Variants in AAK1 observed in about 807,000 individuals in gnomAD.
AAK1 encodes the protein AP2 associated kinase 1, also known as AP2-associated protein kinase 1.
A neutral mutation model predicts 116.0 loss-of-function variants in AAK1; 37 were observed. The observed-to-expected ratio is 0.32, with a 90% confidence interval of 0.25 to 0.42. The LOEUF (loss-of-function observed/expected upper bound fraction) is 0.42, where lower values mean the gene tolerates loss of function less well. AAK1 is among the 10% of genes least tolerant of loss of function. AAK1 has a pLI of 1.00. For missense variants in AAK1, 919 were observed against 1,170.6 expected, an observed-to-expected ratio of 0.79 and a Z score of 3.14; for synonymous variants, 458 against 439.9, an observed-to-expected ratio of 1.04 and a Z score of -0.51.
At position 69,509,444 on chromosome 2, in the gene AAK1, C is replaced by T. The variant is rs1198669577; in HGVS notation, c.1793G>A (p.Arg598Lys). Reference protein sequence around the residue: ...AQEPAIQAPVRQQPKVQTTPP... With the variant: ...AQEPAIQAPVKQQPKVQTTPP... ...GGTTGTCTGAACCTTTGGCTGTTGT[C>T]TTACTGGGGCTTGAATCTGCTAGGA... Residue 598 changes from arginine to lysine, a missense_variant, in exon 14 of 22, where the codon AGA (arginine) becomes AAA (lysine). By Grantham distance (26) the Arg-to-Lys change is conservative. This residue lies in a region of AAK1 where 125 missense variants were observed against 184.1 expected (regional missense o/e 0.68). Coordinates refer to ENST00000409085, the MANE Select transcript of AAK1 (RefSeq NM_014911.5). 1 of 1,613,522 alleles carries T rather than the reference C, an allele frequency of 6.2e-7. No homozygotes were observed. The highest frequency in any genetic ancestry group is 8.5e-7 in the Non-Finnish European group (1 of 1,179,712).
At chr2:69,602,191 G>A (rs1450541148) in intron 2 of AAK1, among the ~76,000 whole-genome samples, 1 of 152,196 alleles carries the variant, frequency 6.6e-6, no homozygotes, top group Non-Finnish European at 1.5e-5. Context: ...AGATTTAAAA[G>A]ACATGACAAC....
intron 16 of AAK1, among the ~76,000 whole-genome samples, chr2:69,496,534 G>A (rs1675752479): frequency 6.6e-6 from 1 of 152,120 alleles, no homozygotes. Context: ...AAAGTGCTGG[G>A]ATTACAGGCA....
At chr2:69,642,298 C>G (rs1675767047) in intron 2 of AAK1, among the ~76,000 whole-genome samples, 1 of 152,184 alleles carries the variant, frequency 6.6e-6, no homozygotes, top group Non-Finnish European at 1.5e-5. Flanking sequence ...TATGTAATTT[C>G]TGTTATCTTT....
chr2:69,553,883 C>T (rs1340876385), intron 3 of AAK1, among the ~76,000 whole-genome samples: 1 of 151,052 alleles, frequency 6.6e-6, no homozygotes, highest in Non-Finnish European at 1.5e-5. Flanking sequence ...TGAGACCAGC[C>T]TGGGCAACAT....
In AAK1 at chr2:69,519,297, T is replaced by C. The variant is rs557702173; in HGVS notation, c.1211-57A>G. 3.4e-6 allele frequency: 5 copies of C among 1,470,270 alleles called. No individual in the cohort carries two copies. The South Asian group carries it at 5.7e-5, about 17-fold the overall frequency. The allele number at this position is 1,470,270 out of a possible 1,614,324, so 91.1% of individuals were successfully genotyped here. A position where few individuals can be genotyped will look rare whatever the true frequency, so the allele number is the denominator to read the frequency against. ...CCAAATGCTTCCACACAAAAATGGC[T>C]TTCTGTCTTGCCAAAACAACTAATA... On this transcript the variant is annotated intron_variant, in intron 11 of 21. Transcript: ENST00000409085.
intron 12 of AAK1, among the ~76,000 whole-genome samples, chr2:69,515,041 A>G (rs1325113676): frequency 6.6e-6 from 1 of 152,214 alleles, no homozygotes; most frequent in East Asian, 1.9e-4. Context: ...CTATCTGACT[A>G]AACATCATGT....
At chr2:69,553,768 T>C (rs1197001852) in intron 3 of AAK1, among the ~76,000 whole-genome samples, 1 of 151,306 alleles carries the variant, frequency 6.6e-6, no homozygotes, top group African/African-American at 2.4e-5. Context: ...AAAAAATTTA[T>C]CTACCATGTA....
chr2:69,538,529 T>G (rs768450959), intron 5 of AAK1, among the ~76,000 whole-genome samples: 12 of 152,246 alleles, frequency 7.9e-5, no homozygotes, highest in Non-Finnish European at 1.6e-4. Flanking sequence ...CAGGTGTTAT[T>G]TACTGGTATG....
At chr2:69,626,991 C>T (rs1246988925) in intron 2 of AAK1, among the ~76,000 whole-genome samples, 1 of 151,936 alleles carries the variant, frequency 6.6e-6, no homozygotes, top group Admixed American at 6.6e-5. Flanking sequence ...ACAAGTCAGA[C>T]AAGATTCTCA....
At position 69,462,420 on chromosome 2, in the gene AAK1, C is replaced by A. The variant is rs1381466143; in HGVS notation, c.*13449G>T. 6.6e-6 allele frequency: 1 copy of A among 151,886 alleles called. No homozygotes were observed. Among genetic ancestry groups the A allele is most frequent in the Non-Finnish European group, 1.5e-5 (1 of 67,994 alleles). 9.4% of individuals were successfully genotyped at this position (151,886 alleles called of 1,614,324 possible). A position where few individuals can be genotyped will look rare whatever the true frequency, so the allele number is the denominator to read the frequency against. ...TCTGGGCCAGGTGCGGTGGCTCACG[C>A]CTGTAATCCTAGCACTTTGGGAAGC... On this transcript the variant is annotated 3_prime_UTR_variant, in exon 22 of 22. Coordinates refer to ENST00000409085, the MANE Select transcript of AAK1 (RefSeq NM_014911.5).
chr2:69,514,722 T>G lies in AAK1; in HGVS notation c.1525A>C (p.Lys509Gln), dbSNP rs6715776. ...QFQAVHPATQKPAIAQFPVVS... is the reference protein window; with the variant it reads ...QFQAVHPATQQPAIAQFPVVS... ...ACAGGGAACTGAGCAATTGCTGGTT[T>G]CTGGGTTGCTGGATGTACTGCCTGA... The change falls in exon 13 of 22, where the codon AAA becomes CAA. Residue 509 changes from lysine to glutamine, a missense_variant. By Grantham distance (53) the Lys-to-Gln change is moderately conservative (BLOSUM62 1). Transcript: ENST00000409085. The G allele has an allele frequency of 1, 1,605,956 of 1,605,962 alleles. 802,975 individuals carry two copies. The highest frequency in any genetic ancestry group is 1 in the Middle Eastern group (6,020 of 6,020).
rs186152057 is a variant in AAK1 at position 69,539,245 on chromosome 2, G to A, written c.534+3278C>T. ...CACAAAGGAGCCAGAAGCCACAGGG[G>A]GAATAAGACAGGGACTGGAAAATGT... On this transcript the variant is annotated intron_variant, in intron 5 of 21. Coordinates refer to ENST00000409085, the MANE Select transcript of AAK1 (RefSeq NM_014911.5). Among the ~76,000 whole-genome samples, 1,503 of 152,306 alleles carry A rather than the reference G, an allele frequency of 9.9e-3. 86 individuals carry two copies. The highest frequency in any genetic ancestry group is 0.087 in the Admixed American group (1,328 of 15,296).
chr2:69,596,110 A>G (rs963521333), intron 2 of AAK1, among the ~76,000 whole-genome samples: 19 of 152,324 alleles, frequency 1.2e-4, no homozygotes, highest in African/African-American at 4.6e-4. Context: ...CTCCTTGACA[A>G]TGCACCTAGT....
At chr2:69,524,577 G>C (rs1669938691) in intron 10 of AAK1, among the ~76,000 whole-genome samples, 1 of 149,756 alleles carries the variant, frequency 6.7e-6, no homozygotes, top group African/African-American at 2.5e-5. Context: ...TGGGACTACA[G>C]GTGTGTGCCA....
chr2:69,617,392 C>T (rs12478540), intron 2 of AAK1, among the ~76,000 whole-genome samples: 47,272 of 152,096 alleles, frequency 0.31, 8,325 homozygotes, highest in East Asian at 0.7. Flanking sequence ...TGTGTAGTTT[C>T]GGACAGGCCA....
chr2:69,628,643 T>C (rs1370549114), intron 2 of AAK1, among the ~76,000 whole-genome samples: 1 of 152,154 alleles, frequency 6.6e-6, no homozygotes, highest in Admixed American at 6.5e-5. Flanking sequence ...GCTGGGTGAG[T>C]AGACAGCCAC....
intron 16 of AAK1, among the ~76,000 whole-genome samples, chr2:69,499,058 C>T (rs1297584636): frequency 1.3e-5 from 2 of 152,178 alleles, no homozygotes; most frequent in African/African-American, 4.8e-5. Flanking sequence ...CGGTCAGCCC[C>T]AGTGTGCCAG....
At chr2:69,489,107 A>C (rs1033165060) in intron 17 of AAK1, among the ~76,000 whole-genome samples, 3 of 151,188 alleles carry the variant, frequency 2.0e-5, no homozygotes, top group Admixed American at 1.3e-4. Context: ...CAGCCTCCCA[A>C]AGTGCTGGGA....
intron 2 of AAK1, among the ~76,000 whole-genome samples, chr2:69,559,204 A>G (rs955979010): frequency 3.3e-5 from 5 of 151,632 alleles, no homozygotes; most frequent in Admixed American, 6.6e-5. Flanking sequence ...TCTCAATAAC[A>G]TTTTCCATTT....
Sources: allele counts gnomAD v4.1 joint callset (sites outside exome capture counted in the v4.1 genomes callset), GRCh38; gene constraint gnomAD v4.1.1; regional missense constraint gnomAD v4.1.1; transcripts MANE v1.5; gene names NCBI Gene and HGNC (gene_info 2026-07-23, HGNC 2026-07-21).